CCDC146: variants seen among roughly 807,000 people sequenced by gnomAD.
CCDC146 encodes coiled-coil domain containing 146.
A neutral mutation model predicts 119.3 loss-of-function variants in CCDC146; 92 were observed. The ratio of observed to expected loss-of-function variants is 0.77; its 90% CI spans 0.65 to 0.92. The LOEUF (loss-of-function observed/expected upper bound fraction) is 0.92, where lower values mean the gene tolerates loss of function less well. Among genes scored for constraint, CCDC146 ranks in the 40% least tolerant of loss-of-function variants. The pLI, the probability that CCDC146 is intolerant of heterozygous loss-of-function variation, is 0.00. For missense variants in CCDC146, 1,000 were observed against 1,103.0 expected, an observed-to-expected ratio of 0.91 and a Z score of 1.32; for synonymous variants, 372 against 371.8, an observed-to-expected ratio of 1.00 and a Z score of -0.01.
intron 17 of CCDC146, among the ~76,000 whole-genome samples, chr7:77,290,044 A>G (rs1284224558): frequency 6.8e-6 from 1 of 147,958 alleles, no homozygotes; most frequent in Non-Finnish European, 1.5e-5. Context: ...CATATACACC[A>G]TGGAATACTA....
chr7:77,177,223 G>A (rs912039687), intron 2 of CCDC146, among the ~76,000 whole-genome samples: 4 of 152,048 alleles, frequency 2.6e-5, no homozygotes, highest in Non-Finnish European at 5.9e-5. Flanking sequence ...ACCTTCTATA[G>A]AGTTACTAAT....
rs575304336 is a variant in CCDC146, at chr7:77,196,215, A to G, written c.156+28391A>G. On this transcript the variant is annotated intron_variant, in intron 2 of 18. Coordinates refer to ENST00000285871, the MANE Select transcript of CCDC146 (RefSeq NM_020879.3). This position sits in a 1 kb window ranked among gnomAD's most constrained non-coding sequence, Gnocchi z 4.2. ...AAAAATATGAAACAAGGCATATTCTAAAGTGCTGAAGGAATTAATTGCCCT... is the reference window on the plus strand; with the variant it reads ...AAAAATATGAAACAAGGCATATTCTGAAGTGCTGAAGGAATTAATTGCCCT... The G allele has an allele frequency of 2.0e-5, 24 of 1,200,790 alleles. No homozygotes were observed. The African/African-American group carries it at 3.0e-4, about 15-fold the overall frequency. 74.4% of individuals were successfully genotyped at this position (1,200,790 alleles called of 1,614,324 possible).
At chr7:77,158,152 T>A (rs1791204393) in intron 1 of CCDC146, among the ~76,000 whole-genome samples, 1 of 150,552 alleles carries the variant, frequency 6.6e-6, no homozygotes, top group African/African-American at 2.4e-5. Flanking sequence ...TTTGGGCTTA[T>A]TTTACCTCAG....
At chr7:77,202,444 A>G (rs1330793954) in intron 2 of CCDC146, among the ~76,000 whole-genome samples, 1 of 152,200 alleles carries the variant, frequency 6.6e-6, no homozygotes, top group Non-Finnish European at 1.5e-5. Context: ...GGCTGGTCAC[A>G]CCCCAGTTAA....
intron 3 of CCDC146, among the ~76,000 whole-genome samples, chr7:77,237,421 G>A (rs1349455211): frequency 3.3e-5 from 5 of 152,138 alleles, no homozygotes; most frequent in Admixed American, 6.5e-5. Context: ...TCCAGCTTGC[G>A]CTTTGACAAA....
At chr7:77,229,789 G>A (rs1792586771) in intron 2 of CCDC146, among the ~76,000 whole-genome samples, 1 of 151,644 alleles carries the variant, frequency 6.6e-6, no homozygotes, top group Non-Finnish European at 1.5e-5. Context: ...GATTTCTAAT[G>A]TAATTGACAT....
Position 77,293,205 on chromosome 7 carries a change from G to T in CCDC146, c.2664+5G>T. The T allele has an allele frequency of 6.2e-7, 1 of 1,613,218 alleles. No individual in the cohort carries two copies. On this transcript the variant is annotated splice_donor_5th_base_variant and intron_variant, in intron 18 of 18. Coordinates refer to ENST00000285871, the MANE Select transcript of CCDC146 (RefSeq NM_020879.3). ...GCCATCGCTGAAAAGTCTCAGGTAG[G>T]CTTTGGCTCCTGTATTGCATTTCTA...
intron 14 of CCDC146, 102 bp from the exon 15 acceptor site, chr7:77,282,455 A>G (rs1793781316): frequency 2.9e-6 from 2 of 694,890 alleles, no homozygotes; most frequent in African/African-American, 1.8e-5. Flanking sequence ...GAAGTATGCT[A>G]TGTTGTGTAT....
chr7:77,166,294 C>A (rs1033764465), intron 1 of CCDC146, among the ~76,000 whole-genome samples: 2 of 152,092 alleles, frequency 1.3e-5, no homozygotes, highest in African/African-American at 4.8e-5. Context: ...ATCATTAGCT[C>A]AAAAGGTTTT....
intron 9 of CCDC146, among the ~76,000 whole-genome samples, chr7:77,268,371 C>T (rs1454866457): frequency 6.6e-6 from 1 of 152,190 alleles, no homozygotes; most frequent in Non-Finnish European, 1.5e-5. Flanking sequence ...TTATGTTCAA[C>T]AGGGGAATAC....
chr7:77,155,552 A>G (rs1294353987), intron 1 of CCDC146, among the ~76,000 whole-genome samples: 1 of 151,984 alleles, frequency 6.6e-6, no homozygotes, highest in Non-Finnish European at 1.5e-5. Context: ...GCCAGGTGAC[A>G]TGGGTTTAAA....
At chr7:77,208,684 C>T (rs962040173) in intron 2 of CCDC146, among the ~76,000 whole-genome samples, 1 of 152,202 alleles carries the variant, frequency 6.6e-6, no homozygotes, top group Non-Finnish European at 1.5e-5. Context: ...ACTTCCCTAA[C>T]TACTGCCACT....
intron 5 of CCDC146, among the ~76,000 whole-genome samples, chr7:77,255,706 G>A (rs1793165489): frequency 6.6e-6 from 1 of 152,186 alleles, no homozygotes; most frequent in African/African-American, 2.4e-5. Flanking sequence ...CCTTCTGAGT[G>A]TAAGAAGCCT....
chr7:77,183,472 A>G (rs1400205443), intron 2 of CCDC146, among the ~76,000 whole-genome samples: 1 of 152,104 alleles, frequency 6.6e-6, no homozygotes, highest in African/African-American at 2.4e-5. Context: ...CTACAATCTG[A>G]TCCATCATTT....
intron 1 of CCDC146, among the ~76,000 whole-genome samples, chr7:77,147,690 G>A (rs1418724750): frequency 6.6e-6 from 1 of 152,206 alleles, no homozygotes; most frequent in Non-Finnish European, 1.5e-5. Flanking sequence ...GACACTGTTT[G>A]CCTGGGTATC....
In CCDC146 at chr7:77,167,777, C is replaced by T. The variant is rs374413765; in HGVS notation, c.109C>T (p.Arg37Trp). Residue 37 changes from arginine (R) to tryptophan (W), a missense_variant, in exon 2 of 19, where the codon CGG becomes TGG. Arg to Trp is a moderately radical substitution (Grantham distance 101). Around this residue, in one of 2 missense-constraint regions of CCDC146, gnomAD observed 15 missense variants for 57.7 expected, o/e 0.26. Coordinates refer to ENST00000285871, the MANE Select transcript of CCDC146 (RefSeq NM_020879.3). ...GCCCACAATTAACATTCAAGATGAG[C>T]GGTTTGTTGATTTATCTGAAACTCC... ...IVPTINIQDERFVDLSETPAF... is the reference protein window; with the variant it reads ...IVPTINIQDEWFVDLSETPAF... 1.7e-5 allele frequency: 28 copies of T among 1,611,178 alleles called. No individual in the cohort carries two copies. The highest frequency in any genetic ancestry group is 1.7e-4 in the Middle Eastern group (1 of 6,052).
chr7:77,154,258 T>A (rs1330092210), intron 1 of CCDC146, among the ~76,000 whole-genome samples: 1 of 152,078 alleles, frequency 6.6e-6, no homozygotes, highest in Non-Finnish European at 1.5e-5. Flanking sequence ...TTGTCAAAAC[T>A]CACAAAACTG....
intron 4 of CCDC146, among the ~76,000 whole-genome samples, chr7:77,252,965 G>A (rs1266139622): frequency 1.3e-5 from 2 of 152,208 alleles, no homozygotes; most frequent in African/African-American, 4.8e-5. Context: ...GGGAGACTGT[G>A]AAATATAGTC....
intron 17 of CCDC146, among the ~76,000 whole-genome samples, chr7:77,292,511 G>T (rs1793966751): frequency 6.6e-6 from 1 of 151,096 alleles, no homozygotes; most frequent in Admixed American, 6.6e-5. Context: ...CAGCTACTCG[G>T]GAGGCTGAGG....
Sources: allele counts gnomAD v4.1 joint callset (sites outside exome capture counted in the v4.1 genomes callset), GRCh38; gene constraint gnomAD v4.1.1; regional missense constraint gnomAD v4.1.1; non-coding constraint Gnocchi (gnomAD v3.1); transcripts MANE v1.5; gene names NCBI Gene and HGNC (gene_info 2026-07-23, HGNC 2026-07-21).